HMGCLL1: variants seen among roughly 807,000 people sequenced by gnomAD.
The protein encoded by HMGCLL1 is 3-hydroxy-3-methylglutaryl-CoA lyase like 1.
HMGCLL1 carries 36 observed loss-of-function variants against 39.1 expected under a neutral mutation model. That is an observed-to-expected ratio of 0.92 (90% CI 0.71 to 1.22). The LOEUF (loss-of-function observed/expected upper bound fraction) is 1.22. Among genes scored for constraint, HMGCLL1 ranks in the 50% most tolerant of loss-of-function variants. The pLI is 0.00. For missense variants in HMGCLL1, 451 were observed against 416.5 expected (o/e 1.08, Z -0.72); for synonymous variants, 149 against 144.0 (o/e 1.03, Z -0.25).
At chr6:55,567,755 T>A (rs561622902) in intron 1 of HMGCLL1, among the ~76,000 whole-genome samples, 1 of 152,144 alleles carries the variant, frequency 6.6e-6, no homozygotes, top group African/African-American at 2.4e-5. Flanking sequence ...GGCGTTCTGT[T>A]TCTCATAACA....
chr6:55,469,394 CAT>C (rs1764938604), intron 7 of HMGCLL1, among the ~76,000 whole-genome samples: 1 of 139,524 alleles, frequency 7.2e-6, no homozygotes, highest in Non-Finnish European at 1.6e-5. Context: ...CACATATATA[CAT>C]ATATATGTAT....
chr6:55,574,487 G>A (rs924581562), intron 1 of HMGCLL1, among the ~76,000 whole-genome samples: 1 of 150,784 alleles, frequency 6.6e-6, no homozygotes, highest in Admixed American at 6.6e-5. Flanking sequence ...GTTGTATGTT[G>A]ACATCTTATA....
chr6:55,564,820 G>C (rs1771134618), intron 1 of HMGCLL1, among the ~76,000 whole-genome samples: 1 of 146,514 alleles, frequency 6.8e-6, no homozygotes, highest in Non-Finnish European at 1.5e-5. Context: ...AGAACAAAAG[G>C]AGAAGGTCAT....
chr6:55,591,409 G>A, the HMGCLL1 span, among the ~76,000 whole-genome samples: 1 of 151,984 alleles, frequency 6.6e-6, no homozygotes, highest in African/African-American at 2.4e-5. Context: ...CAAACTTGCA[G>A]AGGGGCACTT....
intron 7 of HMGCLL1, among the ~76,000 whole-genome samples, chr6:55,488,894 A>G (rs773935467): frequency 6.6e-6 from 1 of 152,090 alleles, no homozygotes; most frequent in Non-Finnish European, 1.5e-5. Context: ...GTTCAACTAA[A>G]AAGCTAAGAG....
the HMGCLL1 span, among the ~76,000 whole-genome samples, chr6:55,674,288 C>A: frequency 2.6e-5 from 4 of 151,322 alleles, no homozygotes; most frequent in African/African-American, 7.3e-5. Context: ...AAAAGAGATA[C>A]CTAATTTAAA....
the HMGCLL1 span, among the ~76,000 whole-genome samples, chr6:55,639,067 A>G: frequency 3.3e-5 from 5 of 152,240 alleles, no homozygotes; most frequent in Admixed American, 3.3e-4. Context: ...ATAATTAGTA[A>G]TAATTGTTTA....
At chr6:55,624,341 T>C in the HMGCLL1 span, among the ~76,000 whole-genome samples, 1 of 152,180 alleles carries the variant, frequency 6.6e-6, no homozygotes, top group Non-Finnish European at 1.5e-5. Flanking sequence ...TAGATGTGGT[T>C]TCATTGCTTG....
At chr6:55,612,427 C>T in the HMGCLL1 span, among the ~76,000 whole-genome samples, 1 of 152,216 alleles carries the variant, frequency 6.6e-6, no homozygotes, top group East Asian at 1.9e-4. Context: ...TTACATTCTT[C>T]ACAGAATTAG....
chr6:55,534,090 AT>A (rs1768866950), intron 3 of HMGCLL1, among the ~76,000 whole-genome samples: 1 of 152,118 alleles, frequency 6.6e-6, no homozygotes, highest in African/African-American at 2.4e-5. Context: ...AAAGAAATTA[AT>A]TTTATAGAGG....
chr6:55,587,719 C>T, the HMGCLL1 span, among the ~76,000 whole-genome samples: 8 of 151,934 alleles, frequency 5.3e-5, no homozygotes, highest in African/African-American at 1.7e-4. Context: ...ATCTATCAAG[C>T]AAATGGAAAA....
At chr6:55,564,699 G>T (rs1771127423) in intron 1 of HMGCLL1, among the ~76,000 whole-genome samples, 1 of 152,040 alleles carries the variant, frequency 6.6e-6, no homozygotes, top group African/African-American at 2.4e-5. Flanking sequence ...ATGACTTTGA[G>T]TCAATGGTAC....
chr6:55,592,120 A>G, the HMGCLL1 span, among the ~76,000 whole-genome samples: 1 of 152,014 alleles, frequency 6.6e-6, no homozygotes, highest in African/African-American at 2.4e-5. Flanking sequence ...GGAGGGAAGG[A>G]GGTCAGGGAG....
chr6:55,529,548 T>C (rs1768521481), intron 3 of HMGCLL1, among the ~76,000 whole-genome samples: 1 of 152,000 alleles, frequency 6.6e-6, no homozygotes, highest in Admixed American at 6.6e-5. Flanking sequence ...CACTGCAAAT[T>C]TGTGGTTTGG....
chr6:55,468,819 C>T (rs1031544572), intron 7 of HMGCLL1, among the ~76,000 whole-genome samples: 1 of 151,844 alleles, frequency 6.6e-6, no homozygotes, highest in Non-Finnish European at 1.5e-5. Context: ...CTAACATATA[C>T]CAGATAGAAT....
the HMGCLL1 span, among the ~76,000 whole-genome samples, chr6:55,642,280 T>G: frequency 5.3e-5 from 8 of 151,418 alleles, no homozygotes; most frequent in South Asian, 8.4e-4. Flanking sequence ...GGTGTATATG[T>G]GCCACATTTT....
At chr6:55,491,824 G>T (rs565935317) in intron 7 of HMGCLL1, among the ~76,000 whole-genome samples, 1 of 151,948 alleles carries the variant, frequency 6.6e-6, no homozygotes, top group South Asian at 2.1e-4. Flanking sequence ...ATCCCACACT[G>T]GGATCGACAT....
At chr6:55,541,490 C>T (rs952555994) in intron 3 of HMGCLL1, among the ~76,000 whole-genome samples, 4 of 152,124 alleles carry the variant, frequency 2.6e-5, no homozygotes, top group African/African-American at 7.2e-5. Flanking sequence ...TGCTATTCAA[C>T]GGCCTTGTCC....
chr6:55,524,201 C>T (rs974083553), intron 3 of HMGCLL1, among the ~76,000 whole-genome samples: 1 of 151,720 alleles, frequency 6.6e-6, no homozygotes, highest in Non-Finnish European at 1.5e-5. Flanking sequence ...TGTCTACACT[C>T]TCCATAGAAA....
Sources: gnomAD v4.1 joint callset for allele counts (sites outside exome capture counted in the v4.1 genomes callset) on GRCh38, gnomAD v4.1.1 for gene constraint, MANE v1.5 for transcripts, NCBI Gene and HGNC (gene_info 2026-07-23, HGNC 2026-07-21) for gene names.